The following CHSY3 variants were observed in gnomAD, a reference collection of about 807,000 sequenced individuals.
The protein encoded by CHSY3 is chondroitin sulfate synthase 3, also known as N-acetylgalactosaminyl-proteoglycan 3-beta-glucuronosyltransferase 3.
CHSY3 carries 35 observed loss-of-function variants against 67.2 expected under a neutral mutation model. The ratio of observed to expected loss-of-function variants is 0.52; its 90% CI spans 0.40 to 0.69. The LOEUF is 0.69. Ranked by LOEUF, CHSY3 falls within the 30% of genes least tolerant of loss-of-function variation. CHSY3 has a pLI of 0.00. For synonymous variants in CHSY3, 474 were observed against 434.7 expected (o/e 1.09, Z -1.12); for missense variants, 1,069 against 1,138.5 (o/e 0.94, Z 0.88).
intron 2 of CHSY3, among the ~76,000 whole-genome samples, chr5:130,051,624 A>G (rs778674103): frequency 6.6e-6 from 1 of 152,140 alleles, no homozygotes; most frequent in Non-Finnish European, 1.5e-5. Flanking sequence ...GACAAGCTTC[A>G]TTACTAGAGT....
intron 2 of CHSY3, among the ~76,000 whole-genome samples, chr5:130,183,939 A>G (rs1216343378): frequency 6.7e-6 from 1 of 149,636 alleles, no homozygotes; most frequent in Non-Finnish European, 1.5e-5. Flanking sequence ...TAATGAATAC[A>G]TCAATTAGCT....
chr5:129,971,390 A>G (rs1762636687), intron 2 of CHSY3, among the ~76,000 whole-genome samples: 1 of 151,850 alleles, frequency 6.6e-6, no homozygotes, highest in African/African-American at 2.4e-5. Context: ...ATTTTATTAA[A>G]ATTAATAAAA....
At chr5:130,142,413 C>T (rs773791127) in intron 2 of CHSY3, among the ~76,000 whole-genome samples, 4 of 152,136 alleles carry the variant, frequency 2.6e-5, no homozygotes, top group Non-Finnish European at 4.4e-5. Flanking sequence ...ACCTTTTGTT[C>T]ATAATTTTTC....
chr5:130,019,150 T>C (rs995736496), intron 2 of CHSY3, among the ~76,000 whole-genome samples: 6 of 37,270 alleles, frequency 1.6e-4, no homozygotes, highest in Non-Finnish European at 4.3e-4. Context: ...AGAAAAAAAT[T>C]TTTTTTTCTA....
chr5:130,099,046 T>C (rs1020231384), intron 2 of CHSY3, among the ~76,000 whole-genome samples: 6 of 152,218 alleles, frequency 3.9e-5, no homozygotes, highest in African/African-American at 4.8e-5. Context: ...CCAAAAGCAG[T>C]TGGGCAGAGC....
At chr5:130,005,587 C>G (rs1298929970) in intron 2 of CHSY3, among the ~76,000 whole-genome samples, 1 of 152,092 alleles carries the variant, frequency 6.6e-6, no homozygotes, top group African/African-American at 2.4e-5. Context: ...TTTAAAAACT[C>G]ATGATATTTA....
intron 2 of CHSY3, among the ~76,000 whole-genome samples, chr5:130,103,011 A>G (rs1483362273): frequency 6.6e-6 from 1 of 151,996 alleles, no homozygotes. Context: ...AAAATGAATC[A>G]CATGCCCAGC....
At chr5:130,167,568 A>G (rs1580795378) in intron 2 of CHSY3, among the ~76,000 whole-genome samples, 1 of 152,272 alleles carries the variant, frequency 6.6e-6, no homozygotes, top group South Asian at 2.1e-4. Context: ...GGGAAATGTT[A>G]AGGCCATCTT....
At chr5:130,130,866 GT>G (rs1768460230) in intron 2 of CHSY3, among the ~76,000 whole-genome samples, 1 of 152,090 alleles carries the variant, frequency 6.6e-6, no homozygotes, top group Admixed American at 6.6e-5. Flanking sequence ...CCTGTATCAT[GT>G]TTCCTGCTTT....
chr5:130,094,118 C>A (rs1216413961), intron 2 of CHSY3, among the ~76,000 whole-genome samples: 1 of 152,138 alleles, frequency 6.6e-6, no homozygotes, highest in Non-Finnish European at 1.5e-5. Flanking sequence ...TAATCTTTGA[C>A]AAGTACTGGA....
At chr5:130,056,932 T>C (rs1166911750) in intron 2 of CHSY3, among the ~76,000 whole-genome samples, 3 of 138,620 alleles carry the variant, frequency 2.2e-5, no homozygotes, top group Non-Finnish European at 4.7e-5. Flanking sequence ...TTTTTTTTTT[T>C]TTTTTTTTTT....
intron 2 of CHSY3, among the ~76,000 whole-genome samples, chr5:129,995,053 A>T (rs1763495177): frequency 6.6e-6 from 1 of 152,178 alleles, no homozygotes; most frequent in Non-Finnish European, 1.5e-5. Context: ...ATAAAAAAAA[A>T]TTTAGACTTT....
rs572787359 is a variant in CHSY3, at chr5:129,984,703, A to AT, written c.1086+76344dup. 3.3e-5 allele frequency among the ~76,000 whole-genome samples: 5 copies of AT among 152,206 alleles called. No homozygotes were observed. The South Asian group carries it at 1.0e-3, about 32-fold the overall frequency. ...GCATATGTTATTTTTTCACTTTTTA[A>AT]TAGTAGCCATTCTGACTGGTGTGAG... On this transcript the variant is annotated intron_variant, in intron 2 of 2. Transcript: ENST00000305031.
chr5:130,162,222 C>A (rs1264630695), intron 2 of CHSY3, among the ~76,000 whole-genome samples: 1 of 151,868 alleles, frequency 6.6e-6, no homozygotes, highest in Non-Finnish European at 1.5e-5. Flanking sequence ...TAAAAATGTA[C>A]ACTTAACCAG....
intron 2 of CHSY3, among the ~76,000 whole-genome samples, chr5:129,943,347 G>A (rs2149596102): frequency 6.6e-6 from 1 of 152,318 alleles, no homozygotes; most frequent in East Asian, 1.9e-4. Context: ...GAACTCCAAA[G>A]AGCCTGTGCC....
chr5:130,046,432 C>A (rs969713963), intron 2 of CHSY3, among the ~76,000 whole-genome samples: 20 of 152,016 alleles, frequency 1.3e-4, no homozygotes, highest in Admixed American at 6.6e-5. Flanking sequence ...TAAATTTTCA[C>A]CATGGTTTGG....
intron 2 of CHSY3, among the ~76,000 whole-genome samples, chr5:130,018,711 G>T (rs1016185091): frequency 6.6e-6 from 1 of 152,062 alleles, no homozygotes; most frequent in Non-Finnish European, 1.5e-5. Context: ...TTGTTTGTCC[G>T]CACCAAATCT....
intron 2 of CHSY3, among the ~76,000 whole-genome samples, chr5:129,980,261 T>A (rs553785153): frequency 1.3e-5 from 2 of 152,376 alleles, no homozygotes; most frequent in East Asian, 3.9e-4. Flanking sequence ...AATTTAGTGT[T>A]ATCAGTGATC....
At chr5:130,070,601 G>A (rs1341236615) in intron 2 of CHSY3, among the ~76,000 whole-genome samples, 1 of 152,032 alleles carries the variant, frequency 6.6e-6, no homozygotes, top group African/African-American at 2.4e-5. Flanking sequence ...GGTTAAATGC[G>A]ATTGGTTTTA....
Sources: allele counts gnomAD v4.1 joint callset (sites outside exome capture counted in the v4.1 genomes callset), GRCh38; gene constraint gnomAD v4.1.1; transcripts MANE v1.5; gene names NCBI Gene and HGNC (gene_info 2026-07-23, HGNC 2026-07-21).